Variants in OPHN1 observed in about 807,000 individuals in gnomAD.
OPHN1 encodes oligophrenin 1.
Under a neutral mutation model 60.7 loss-of-function variants are expected in OPHN1, and 11 were observed. The observed-to-expected ratio is 0.18, with a 90% confidence interval of 0.11 to 0.30. The LOEUF is 0.30. OPHN1 is among the 10% of genes least tolerant of loss of function. OPHN1 has a pLI of 1.00. For synonymous variants in OPHN1, 226 were observed against 222.6 expected, an observed-to-expected ratio of 1.02 and a Z score of -0.14; for missense variants, 449 against 611.0, an observed-to-expected ratio of 0.73 and a Z score of 2.80.
At chrX:68,182,427 G>A (rs1389494567) in intron 15 of OPHN1, among the ~76,000 whole-genome samples, 1 of 109,217 alleles carries the variant, frequency 9.2e-6, no homozygotes, top group African/African-American at 3.3e-5. Context: ...GGGAGGGAAG[G>A]AGGGAGAAGA....
intron 4 of OPHN1, among the ~76,000 whole-genome samples, 187 bp from the exon 5 acceptor site, chrX:68,274,996 T>C (rs1288672586): frequency 8.9e-6 from 1 of 112,210 alleles, no homozygotes; most frequent in Non-Finnish European, 1.9e-5. Flanking sequence ...TGAGAAGAAA[T>C]GGGAGAAAGA....
At chrX:68,176,328 T>C (rs1446281797) in intron 15 of OPHN1, among the ~76,000 whole-genome samples, 1 of 111,527 alleles carries the variant, frequency 9.0e-6, no homozygotes, top group Non-Finnish European at 1.9e-5. Flanking sequence ...AAAGACCTCC[T>C]AAATCTCAAC....
chrX:68,095,262 T>C (rs968154061), intron 19 of OPHN1, among the ~76,000 whole-genome samples: 56 of 111,707 alleles, frequency 5.0e-4, no homozygotes, highest in African/African-American at 1.7e-3. Context: ...ATCTGGGCTC[T>C]AGAACAGGGG....
At chrX:68,159,746 AATTGTT>A (rs776680943) in intron 15 of OPHN1, among the ~76,000 whole-genome samples, 76 of 111,681 alleles carry the variant, frequency 6.8e-4, no homozygotes, top group Non-Finnish European at 1.2e-3. Flanking sequence ...TTCTCACATA[AATTGTT>A]AAGTCCTAGA....
intron 2 of OPHN1, among the ~76,000 whole-genome samples, chrX:68,430,686 C>T (rs972963150): frequency 2.7e-5 from 3 of 110,477 alleles, no homozygotes; most frequent in South Asian, 3.9e-4. Flanking sequence ...TAGCCAGGCG[C>T]AGTGGCACAT....
At chrX:68,054,627 T>C (rs969568) in intron 21 of OPHN1, among the ~76,000 whole-genome samples, 23,537 of 110,506 alleles carry the variant, frequency 0.21, 3,133 homozygotes, top group African/African-American at 0.48. Context: ...AAAACATGCA[T>C]CTTATCAGAA....
At chrX:68,426,573 T>TATATATATATATATATATATATATATAA (rs1555987168) in intron 2 of OPHN1, among the ~76,000 whole-genome samples, 4 of 81,615 alleles carry the variant, frequency 4.9e-5, no homozygotes, top group East Asian at 4.4e-4. Context: ...TATATATACA[T>TATATATATATATATATATATATATATAA]ACACAGAGGC....
intron 5 of OPHN1, among the ~76,000 whole-genome samples, chrX:68,244,542 A>G (rs1399690490): frequency 8.9e-6 from 1 of 111,972 alleles, no homozygotes; most frequent in East Asian, 2.8e-4. Flanking sequence ...TTAGTGAATC[A>G]GTGAATGAAC....
rs2076861383 is a variant in OPHN1 at position 68,053,737 on chromosome X, G to A, written c.2232C>T (p.Pro744=). Residue 744 remains proline, a synonymous_variant, in exon 22 of 25, where the codon CCC becomes CCT. Coordinates refer to ENST00000355520, the MANE Select transcript of OPHN1 (RefSeq NM_002547.3). ...TAGCTGCCCGGCAGGGAGGATCTGG[G>A]GGCCTCACTGGGGGGCGGATGATGG... The part of the protein sequence containing the change: ...KPTIIRPPVR[P]PDPPCRAATP... The A allele has an allele frequency of 8.3e-7, 1 of 1,210,837 alleles. No homozygotes were observed.
chrX:68,058,088 G>A (rs1387576521), intron 21 of OPHN1, among the ~76,000 whole-genome samples: 2 of 111,588 alleles, frequency 1.8e-5, no homozygotes, highest in East Asian at 2.8e-4. Flanking sequence ...TGACTTAAAT[G>A]TTAGACCCAG....
At chrX:68,058,900 T>G (rs2076883154) in intron 21 of OPHN1, among the ~76,000 whole-genome samples, 1 of 112,074 alleles carries the variant, frequency 8.9e-6, no homozygotes. Flanking sequence ...TACTGAGTAC[T>G]CTTGATGTGC....
rs1045809302 is a variant in OPHN1, at chrX:68,044,396, G to T, written c.*2776C>A. The T allele has an allele frequency of 2.7e-5, 3 of 112,686 alleles. No homozygotes were observed. Among genetic ancestry groups the T allele is most frequent in the Admixed American group, 9.4e-5 (1 of 10,670 alleles). 9.3% of individuals were successfully genotyped at this position (112,686 alleles called of 1,213,427 possible). A position where few individuals can be genotyped will look rare whatever the true frequency, so the allele number is the denominator to read the frequency against. On this transcript the variant is annotated 3_prime_UTR_variant, in exon 25 of 25. Coordinates refer to ENST00000355520, the MANE Select transcript of OPHN1 (RefSeq NM_002547.3). Reference sequence around the variant, plus strand: ...CATAATTTCTTTCTCTGTAAAATGAGAATACTTGCATGAATATGAAACACT... The same window carrying T: ...CATAATTTCTTTCTCTGTAAAATGATAATACTTGCATGAATATGAAACACT...
chrX:68,410,288 G>A (rs1392034594), intron 2 of OPHN1, among the ~76,000 whole-genome samples: 1 of 111,149 alleles, frequency 9.0e-6, no homozygotes, highest in Non-Finnish European at 1.9e-5. Context: ...TAAGACCAAG[G>A]TGCCGGTAAA....
At chrX:68,397,725 G>A (rs987939851) in intron 2 of OPHN1, among the ~76,000 whole-genome samples, 4 of 107,938 alleles carry the variant, frequency 3.7e-5, no homozygotes, top group African/African-American at 1.3e-4. Context: ...GTTTCACCAC[G>A]TTGGCCAGGT....
chrX:68,328,125 G>A lies in OPHN1; in HGVS notation c.155-29029C>T, dbSNP rs182269943. On this transcript the variant is annotated intron_variant, in intron 2 of 24. Coordinates refer to ENST00000355520, the MANE Select transcript of OPHN1 (RefSeq NM_002547.3). ...ATTACAGGCGTGAGCCACCGCGCCC[G>A]GCCAAACTTTTTTTTTTTTTTGAGA... Among the ~76,000 whole-genome samples the A allele has an allele frequency of 4.9e-4, 39 of 79,720 alleles. No homozygotes were observed. The South Asian group carries it at 0.023, about 47-fold the overall frequency. 69.2% of individuals were successfully genotyped at this position (79,720 alleles called of 115,157 possible).
intron 3 of OPHN1, among the ~76,000 whole-genome samples, chrX:68,289,639 C>T (rs967109760): frequency 8.9e-6 from 1 of 112,143 alleles, no homozygotes; most frequent in Non-Finnish European, 1.9e-5. Context: ...TGCTCAAATG[C>T]CTGATGGCAA....
chrX:68,319,311 T>C (rs2078224118), intron 2 of OPHN1, among the ~76,000 whole-genome samples: 1 of 112,022 alleles, frequency 8.9e-6, no homozygotes, highest in South Asian at 3.7e-4. Flanking sequence ...ATTCAAAAAT[T>C]ATCTCAAAAT....
chrX:68,257,176 C>T (rs751850226), intron 5 of OPHN1, among the ~76,000 whole-genome samples: 4 of 112,470 alleles, frequency 3.6e-5, no homozygotes, highest in Non-Finnish European at 7.5e-5. Flanking sequence ...CTATTCACTT[C>T]ATTACAATGG....
intron 5 of OPHN1, among the ~76,000 whole-genome samples, chrX:68,260,336 C>T (rs1292416105): frequency 9.0e-6 from 1 of 110,595 alleles, no homozygotes; most frequent in Non-Finnish European, 1.9e-5. Flanking sequence ...TGAACAACAG[C>T]TCTAGTTCAT....
Sources: allele counts gnomAD v4.1 joint callset (sites outside exome capture counted in the v4.1 genomes callset), GRCh38; gene constraint gnomAD v4.1.1; transcripts MANE v1.5; gene names NCBI Gene and HGNC (gene_info 2026-07-23, HGNC 2026-07-21).